Variants in CDH18 observed in about 807,000 individuals in gnomAD.
CDH18 encodes cadherin-18.
Under a neutral mutation model 67.9 loss-of-function variants are expected in CDH18, and 31 were observed. The observed-to-expected ratio is 0.46, with a 90% confidence interval of 0.34 to 0.62. The LOEUF (loss-of-function observed/expected upper bound fraction) is 0.62, where lower values mean the gene tolerates loss of function less well. Among genes scored for constraint, CDH18 ranks in the 20% least tolerant of loss-of-function variants. CDH18 has a pLI of 0.01. For missense variants in CDH18, 890 were observed against 975.5 expected, an observed-to-expected ratio of 0.91 and a Z score of 1.17; for synonymous variants, 362 against 347.2, an observed-to-expected ratio of 1.04 and a Z score of -0.48.
chr5:20,020,759 A>G (rs768340627), intron 2 of CDH18, among the ~76,000 whole-genome samples: 2 of 152,128 alleles, frequency 1.3e-5, no homozygotes, highest in South Asian at 2.1e-4. Flanking sequence ...CAGAGCCCCC[A>G]TGGAGAATCT....
intron 1 of CDH18, among the ~76,000 whole-genome samples, chr5:20,320,546 ACT>A (rs1435989629): frequency 6.6e-6 from 1 of 152,072 alleles, no homozygotes; most frequent in Non-Finnish European, 1.5e-5. Context: ...AATTCTAGTC[ACT>A]CTCTTTCTAA....
intron 2 of CDH18, among the ~76,000 whole-genome samples, chr5:20,063,302 T>A (rs2150512273): frequency 6.6e-6 from 1 of 151,872 alleles, no homozygotes; most frequent in South Asian, 2.1e-4. Flanking sequence ...TAAGCCACTG[T>A]ACTATACTTT....
At chr5:19,794,367 A>G (rs1776645871) in intron 3 of CDH18, among the ~76,000 whole-genome samples, 1 of 152,098 alleles carries the variant, frequency 6.6e-6, no homozygotes, top group African/African-American at 2.4e-5. Context: ...AGAAAGGGTG[A>G]GTTCTTTATG....
At chr5:20,005,448 A>T (rs1026335411) in intron 2 of CDH18, among the ~76,000 whole-genome samples, 3 of 140,974 alleles carry the variant, frequency 2.1e-5, no homozygotes, top group African/African-American at 8.0e-5. Flanking sequence ...ACACACACAC[A>T]CTTTCCATGA....
chr5:19,913,926 T>C (rs547626769), intron 2 of CDH18, among the ~76,000 whole-genome samples: 1 of 152,144 alleles, frequency 6.6e-6, no homozygotes, highest in East Asian at 1.9e-4. Flanking sequence ...TCATGTGCAG[T>C]GGAATAACTA....
At position 19,559,927 on chromosome 5, in the gene CDH18, A is replaced by C. The variant is rs566524680; in HGVS notation, c.1253+11652T>G. Among the ~76,000 whole-genome samples the C allele has an allele frequency of 1.1e-3, 167 of 151,296 alleles. 3 individuals carry two copies. The Middle Eastern group carries it at 0.017, about 15-fold the overall frequency. ...TTTATAATAGTTGCAAAAACAAACA[A>C]AAAAAAAACTCAGGAATATATTTAA... On this transcript the variant is annotated intron_variant, in intron 8 of 12. Transcript: ENST00000382275.
chr5:20,492,127 G>A (rs957257536), intron 1 of CDH18, among the ~76,000 whole-genome samples: 48 of 151,808 alleles, frequency 3.2e-4, no homozygotes, highest in Non-Finnish European at 1.0e-4. Flanking sequence ...GGGCCATACT[G>A]TACCTCCCTT....
intron 1 of CDH18, among the ~76,000 whole-genome samples, chr5:20,275,292 T>G (rs1239950261): frequency 1.4e-4 from 22 of 152,038 alleles, no homozygotes; most frequent in Non-Finnish European, 3.2e-4. Flanking sequence ...TGAGATCTGA[T>G]GCCTTAAAAG....
intron 9 of CDH18, among the ~76,000 whole-genome samples, chr5:19,532,210 T>G (rs549622736): frequency 6.6e-5 from 10 of 152,186 alleles, no homozygotes; most frequent in Non-Finnish European, 1.3e-4. Context: ...AATGCATCAT[T>G]CTAACAAAGT....
chr5:20,186,191 A>G (rs1738087383), intron 2 of CDH18, among the ~76,000 whole-genome samples: 1 of 152,062 alleles, frequency 6.6e-6, no homozygotes. Flanking sequence ...CTAAAACTAC[A>G]AGACAATTAG....
chr5:19,755,859 A>G (rs983819277), intron 3 of CDH18, among the ~76,000 whole-genome samples: 1 of 151,966 alleles, frequency 6.6e-6, no homozygotes, highest in Non-Finnish European at 1.5e-5. Context: ...ATTTGCTGAC[A>G]GCTATTTAGA....
intron 10 of CDH18, among the ~76,000 whole-genome samples, chr5:19,505,801 A>C (rs1744046035): frequency 6.6e-6 from 1 of 152,052 alleles, no homozygotes; most frequent in Non-Finnish European, 1.5e-5. Flanking sequence ...TGTCTCTGCC[A>C]GGCTTTGGTA....
chr5:20,060,002 C>A (rs1742322524), intron 2 of CDH18, among the ~76,000 whole-genome samples: 1 of 152,032 alleles, frequency 6.6e-6, no homozygotes, highest in Non-Finnish European at 1.5e-5. Flanking sequence ...GGAGGGATAG[C>A]ATTAGAAGAA....
intron 2 of CDH18, among the ~76,000 whole-genome samples, chr5:20,165,797 A>G (rs1419139663): frequency 3.3e-5 from 5 of 152,176 alleles, no homozygotes; most frequent in Non-Finnish European, 7.4e-5. Flanking sequence ...ACATGATAAC[A>G]CATGTATTAT....
chr5:19,888,915 T>C (rs78233786), intron 2 of CDH18, among the ~76,000 whole-genome samples: 145 of 152,274 alleles, frequency 9.5e-4, no homozygotes, highest in African/African-American at 3.4e-3. Flanking sequence ...TGCTGTTTTA[T>C]AGCTTCCCTT....
At chr5:20,348,262 A>G (rs1561993171) in intron 1 of CDH18, among the ~76,000 whole-genome samples, 1 of 152,190 alleles carries the variant, frequency 6.6e-6, no homozygotes. Flanking sequence ...CATTAACAAC[A>G]AAGAGACATC....
chr5:19,531,607 T>TCACA (rs1491478589), intron 9 of CDH18, among the ~76,000 whole-genome samples: 1 of 112,322 alleles, frequency 8.9e-6, no homozygotes, highest in African/African-American at 4.3e-5. Flanking sequence ...AAATGTGTGT[T>TCACA]CTCACACACA....
chr5:19,867,500 T>C (rs1001881278), intron 2 of CDH18, among the ~76,000 whole-genome samples: 2 of 152,220 alleles, frequency 1.3e-5, no homozygotes, highest in Non-Finnish European at 2.9e-5. Context: ...ATTTGCTACA[T>C]ACTTCAAAGC....
intron 11 of CDH18, among the ~76,000 whole-genome samples, chr5:19,484,942 G>C (rs1349979522): frequency 6.6e-6 from 1 of 152,252 alleles, no homozygotes; most frequent in South Asian, 2.1e-4. Context: ...ATTACAATTA[G>C]GGCCTCTTTT....
Sources: gnomAD v4.1 joint callset for allele counts (sites outside exome capture counted in the v4.1 genomes callset) on GRCh38, gnomAD v4.1.1 for gene constraint, MANE v1.5 for transcripts, NCBI Gene and HGNC (gene_info 2026-07-23, HGNC 2026-07-21) for gene names.